The following TBCD variants were observed in gnomAD, a reference collection of about 807,000 sequenced individuals.
The protein encoded by TBCD is tubulin folding cofactor D.
TBCD carries 105 observed loss-of-function variants against 169.3 expected under a neutral mutation model. The observed-to-expected ratio is 0.62, with a 90% confidence interval of 0.53 to 0.73. TBCD has a LOEUF of 0.73. Ranked by LOEUF, TBCD falls within the 30% of genes least tolerant of loss-of-function variation. TBCD has a pLI of 0.00. For missense variants in TBCD, 1,444 were observed against 1,600.1 expected (o/e 0.90, Z 1.66); for synonymous variants, 700 against 643.9 (o/e 1.09, Z -1.32).
At chr17:82,868,466 C>T (rs371002295) in intron 13 of TBCD, among the ~76,000 whole-genome samples, 3 of 152,308 alleles carry the variant, frequency 2.0e-5, no homozygotes, top group East Asian at 3.9e-4. Flanking sequence ...TAGCCCCTCA[C>T]TCTGGCGAAT....
chr17:82,898,002 G>C (rs1381670357), intron 17 of TBCD, among the ~76,000 whole-genome samples: 1 of 150,748 alleles, frequency 6.6e-6, no homozygotes, highest in Non-Finnish European at 1.5e-5. Context: ...TTTTTCATGA[G>C]CATTGAGCCC....
At position 82,832,162 on chromosome 17, in the gene TBCD, A is replaced by G. The variant is rs747557940; in HGVS notation, c.1318+17228A>G. ...AGAGCTGTGCTGAAGCTTCGAGTCG[A>G]AGGCAGAGAGTCCATTTGCGACAGA... On this transcript the variant is annotated intron_variant, in intron 13 of 38. Transcript: ENST00000355528. This position sits in a 1 kb window ranked among gnomAD's most constrained non-coding sequence, Gnocchi z 4.9. 6 of 1,614,220 alleles carry G rather than the reference A, an allele frequency of 3.7e-6. No homozygotes were observed. The East Asian group carries it at 1.1e-4, about 30-fold the overall frequency.
chr17:82,792,172 G>T (rs1216654490), intron 7 of TBCD, among the ~76,000 whole-genome samples: 2 of 152,164 alleles, frequency 1.3e-5, no homozygotes, highest in Non-Finnish European at 2.9e-5. Flanking sequence ...GCCGGGCGTG[G>T]TGGCGGGCGC....
At position 82,870,973 on chromosome 17, in the gene TBCD, G is replaced by A. The variant is rs1488905114; in HGVS notation, c.1475+593G>A. 2.0e-5 allele frequency among the ~76,000 whole-genome samples: 3 copies of A among 152,380 alleles called. No individual in the cohort carries two copies. The East Asian group carries it at 5.8e-4, about 29-fold the overall frequency. Reference sequence around the variant, plus strand: ...AGCAATAGCCTTCGCTGGCATGCCTGATGTCAGCTCCTCTGAGATGTAAGT... The same window carrying A: ...AGCAATAGCCTTCGCTGGCATGCCTAATGTCAGCTCCTCTGAGATGTAAGT... On this transcript the variant is annotated intron_variant, in intron 14 of 38. Coordinates refer to ENST00000355528, the MANE Select transcript of TBCD (RefSeq NM_005993.5).
At chr17:82,805,852 T>C (rs1315518018) in intron 9 of TBCD, 23 bp from the exon 10 acceptor site, 3 of 1,590,610 alleles carry the variant, frequency 1.9e-6, no homozygotes, top group Non-Finnish European at 1.7e-6. Flanking sequence ...AAAGCTGATC[T>C]GAGGATGCTT....
chr17:82,781,612 A>G lies in TBCD; in HGVS notation c.662A>G (p.Lys221Arg). 2 of 1,613,790 alleles carry G rather than the reference A, an allele frequency of 1.2e-6. No individual in the cohort carries two copies. Among genetic ancestry groups the G allele is most frequent in the East Asian group, 2.2e-5 (1 of 44,868 alleles). Reference protein sequence around the residue: ...VSRFITRPDVKQSKMAEFLDW... With the variant: ...VSRFITRPDVRQSKMAEFLDW... ...AGATTTATCACACGTCCTGATGTCA[A>G]GCAAAGCAAGATGGCTGAGTTCCTG... The change falls in exon 7 of 39, where the codon AAG becomes AGG. Residue 221 changes from lysine to arginine, a missense_variant. By Grantham distance (26) the Lys-to-Arg change is conservative. Coordinates refer to ENST00000355528, the MANE Select transcript of TBCD (RefSeq NM_005993.5).
At chr17:82,820,189 G>A (rs2052297900) in intron 13 of TBCD, among the ~76,000 whole-genome samples, 1 of 152,130 alleles carries the variant, frequency 6.6e-6, no homozygotes, top group African/African-American at 2.4e-5. Flanking sequence ...TGTTGGCCAG[G>A]CTGGTCTCGA....
chr17:82,848,503 A>G (rs1443275044), intron 13 of TBCD, among the ~76,000 whole-genome samples: 1 of 152,188 alleles, frequency 6.6e-6, no homozygotes, highest in African/African-American at 2.4e-5. Context: ...ACGCTTCGGC[A>G]TTCTCACTCG....
intron 13 of TBCD, among the ~76,000 whole-genome samples, chr17:82,825,432 G>A (rs376612467): frequency 9.7e-4 from 147 of 152,248 alleles, no homozygotes; most frequent in Middle Eastern, 6.8e-3. Context: ...TTTGTTCTTT[G>A]CCAAAACATA....
rs1252459531 is a variant in TBCD, at chr17:82,945,205, AAG to A, written c.*2748_*2749del. ...TCAATGGATAGCTTAGACACAGCTG[AAG>A]AGAGAATTAGAAAACTGGAAGATCT... is the stretch of plus-strand genomic sequence containing the variant. On this transcript the variant is annotated 3_prime_UTR_variant, in exon 39 of 39. Coordinates refer to ENST00000355528, the MANE Select transcript of TBCD (RefSeq NM_005993.5). 2.0e-5 allele frequency: 3 copies of A among 152,278 alleles called. No individual in the cohort carries two copies. Among genetic ancestry groups the A allele is most frequent in the African/African-American group, 7.2e-5 (3 of 41,474 alleles). 9.4% of individuals were successfully genotyped at this position (152,278 alleles called of 1,614,324 possible). A position where few individuals can be genotyped will look rare whatever the true frequency, so the allele number is the denominator to read the frequency against.
At chr17:82,855,993 C>CCTTTTTTTTTTTTTTTTTTT (rs373747821) in intron 13 of TBCD, among the ~76,000 whole-genome samples, 1 of 66,268 alleles carries the variant, frequency 1.5e-5, no homozygotes, top group African/African-American at 7.0e-5. Flanking sequence ...TCCCCCCCCA[C>CCTTTTTTTTTTTTTTTTTTT]TTTTTTTTTT....
chr17:82,844,027 C>T (rs938518933), intron 13 of TBCD, among the ~76,000 whole-genome samples: 4 of 152,100 alleles, frequency 2.6e-5, no homozygotes, highest in Non-Finnish European at 5.9e-5. Context: ...CTTTATATTT[C>T]AACACTTCTG....
intron 6 of TBCD, among the ~76,000 whole-genome samples, 184 bp downstream of exon 6, chr17:82,772,691 A>C (rs1209237075): frequency 6.6e-6 from 1 of 152,136 alleles, no homozygotes; most frequent in Non-Finnish European, 1.5e-5. Context: ...CTGACCCTGA[A>C]ATGACCACCC....
chr17:82,814,882 G>C lies in TBCD; in HGVS notation c.1266G>C (p.Ala422=), dbSNP rs754912961. The change falls in exon 13 of 39, where the codon GCG becomes GCC. Residue 422 remains alanine (A), a synonymous_variant. Transcript: ENST00000355528. The part of the protein sequence containing the change: ...TDKAWHGGCL[A]LAELGRRGLL... ...AGGCGTGGCATGGGGGATGTCTGGC[G>C]CTGGCAGAGCTGGGCAGGAGAGGCC... 9 of 1,613,532 alleles carry C rather than the reference G, an allele frequency of 5.6e-6. No homozygotes were observed. Among genetic ancestry groups the C allele is most frequent in the Non-Finnish European group, 7.6e-6 (9 of 1,179,738 alleles).
At chr17:82,801,639 A>T (rs1180954122) in intron 9 of TBCD, among the ~76,000 whole-genome samples, 3 of 88,074 alleles carry the variant, frequency 3.4e-5, no homozygotes, top group Non-Finnish European at 7.2e-5. Flanking sequence ...TCAGCGTGGC[A>T]GGAGGGCGGC....
intron 12 of TBCD, among the ~76,000 whole-genome samples, chr17:82,812,130 G>A (rs1423264881): frequency 1.3e-5 from 2 of 152,068 alleles, no homozygotes; most frequent in African/African-American, 4.8e-5. Context: ...CCCAGGCTGT[G>A]GCAGAAGCAG....
chr17:82,814,795 A>C (rs2051729918), intron 12 of TBCD, 45 bp from the exon 13 acceptor site: 32 of 1,603,212 alleles, frequency 2.0e-5, no homozygotes, highest in Non-Finnish European at 2.7e-5. Context: ...TTTGAACCAA[A>C]AGCTGACACG....
At position 82,887,697 on chromosome 17, in the gene TBCD, C is replaced by T. The variant is rs552117811; in HGVS notation, c.1534-1971C>T. ...TGCTTTCTAGAGCAGCTGCACCATT[C>T]ACGTTCGCACCACCACCTGCCCGCA... On this transcript the variant is annotated intron_variant, in intron 15 of 38. Transcript: ENST00000355528. Among the ~76,000 whole-genome samples, 67 of 152,316 alleles carry T rather than the reference C, an allele frequency of 4.4e-4. No homozygotes were observed. The Middle Eastern group carries it at 0.01, about 23-fold the overall frequency.
intron 7 of TBCD, among the ~76,000 whole-genome samples, chr17:82,796,417 C>G (rs973245855): frequency 1.3e-5 from 2 of 152,218 alleles, no homozygotes; most frequent in African/African-American, 4.8e-5. Flanking sequence ...TTTGGGCAAA[C>G]AAGGATCATC....
Sources: gnomAD v4.1 joint callset for allele counts (sites outside exome capture counted in the v4.1 genomes callset) on GRCh38, gnomAD v4.1.1 for gene constraint, Gnocchi (gnomAD v3.1) non-coding constraint, MANE v1.5 for transcripts, NCBI Gene and HGNC (gene_info 2026-07-23, HGNC 2026-07-21) for gene names.